The following RPH3A variants were observed in gnomAD, a reference collection of about 807,000 sequenced individuals.
RPH3A encodes rabphilin-3A.
A neutral mutation model predicts 102.2 loss-of-function variants in RPH3A; 48 were observed. The ratio of observed to expected loss-of-function variants is 0.47; its 90% CI spans 0.37 to 0.60. The LOEUF (loss-of-function observed/expected upper bound fraction) is 0.60, where lower values mean the gene tolerates loss of function less well. Ranked by LOEUF, RPH3A falls within the 20% of genes least tolerant of loss-of-function variation. RPH3A has a pLI of 0.00. For synonymous variants in RPH3A, 310 were observed against 324.3 expected (o/e 0.96, Z 0.47); for missense variants, 781 against 910.1 (o/e 0.86, Z 1.83).
intron 3 of RPH3A, among the ~76,000 whole-genome samples, chr12:112,829,268 T>C (rs77207750): frequency 2.4e-3 from 223 of 94,534 alleles, no homozygotes; most frequent in Non-Finnish European, 2.7e-3. Context: ...AGAGAAAGGC[T>C]TTTTTTTTTT....
At chr12:112,809,837 C>G (rs1276913887) in intron 2 of RPH3A, among the ~76,000 whole-genome samples, 1 of 152,128 alleles carries the variant, frequency 6.6e-6, no homozygotes, top group Non-Finnish European at 1.5e-5. Context: ...AGGAGAGGCA[C>G]TAAAAGTGTC....
At chr12:112,745,613 C>G (rs1373108583) in intron 1 of RPH3A, among the ~76,000 whole-genome samples, 1 of 152,218 alleles carries the variant, frequency 6.6e-6, no homozygotes. Flanking sequence ...TGAGCTATTG[C>G]TTCCTCATTT....
At chr12:112,813,662 G>A (rs1333269942) in intron 2 of RPH3A, among the ~76,000 whole-genome samples, 1 of 152,126 alleles carries the variant, frequency 6.6e-6, no homozygotes, top group Non-Finnish European at 1.5e-5. Flanking sequence ...CCTAGTGAGG[G>A]TTTTGCCTGA....
At chr12:112,748,793 G>A (rs769377329) in intron 1 of RPH3A, among the ~76,000 whole-genome samples, 6 of 152,194 alleles carry the variant, frequency 3.9e-5, no homozygotes, top group Admixed American at 2.0e-4. Flanking sequence ...ATGACCAGAT[G>A]TGCCACCAGA....
intron 1 of RPH3A, among the ~76,000 whole-genome samples, chr12:112,673,193 TA>T (rs2040147390): frequency 6.6e-6 from 1 of 152,128 alleles, no homozygotes; most frequent in East Asian, 1.9e-4. Context: ...GCGATAAAAT[TA>T]AAGAATTATT....
At chr12:112,604,089 A>G (rs1198283862) in intron 1 of RPH3A, among the ~76,000 whole-genome samples, 1 of 152,204 alleles carries the variant, frequency 6.6e-6, no homozygotes, top group Non-Finnish European at 1.5e-5. Flanking sequence ...GAGGTAATCA[A>G]TCTTTATGTG....
intron 1 of RPH3A, among the ~76,000 whole-genome samples, chr12:112,734,419 C>G (rs1378349269): frequency 1.3e-5 from 2 of 152,220 alleles, no homozygotes; most frequent in African/African-American, 4.8e-5. Flanking sequence ...ATATTCCCAT[C>G]ATTACGTGAC....
intron 2 of RPH3A, among the ~76,000 whole-genome samples, chr12:112,819,862 A>T (rs2041747673): frequency 6.6e-6 from 1 of 152,268 alleles, no homozygotes; most frequent in Non-Finnish European, 1.5e-5. Context: ...TGCTAAAAAA[A>T]TAGCAAAAGA....
chr12:112,816,891 C>T (rs192807770), intron 2 of RPH3A, among the ~76,000 whole-genome samples: 6 of 152,244 alleles, frequency 3.9e-5, no homozygotes, highest in South Asian at 2.1e-4. Context: ...TACTTGACAA[C>T]GGCATGTTTT....
intron 14 of RPH3A, among the ~76,000 whole-genome samples, chr12:112,879,462 C>A (rs996902621): frequency 1.2e-4 from 18 of 152,238 alleles, no homozygotes; most frequent in Admixed American, 1.1e-3. Flanking sequence ...GAGTTGGCCC[C>A]TATCTGCCTG....
chr12:112,841,706 GGT>G (rs1491509089), intron 4 of RPH3A, among the ~76,000 whole-genome samples: 2 of 145,064 alleles, frequency 1.4e-5, no homozygotes, highest in African/African-American at 2.6e-5. Flanking sequence ...TTGTTTTTTT[GGT>G]TTTTTTTTTT....
At chr12:112,815,313 G>A (rs898068075) in intron 2 of RPH3A, among the ~76,000 whole-genome samples, 3 of 152,126 alleles carry the variant, frequency 2.0e-5, no homozygotes, top group African/African-American at 4.8e-5. Flanking sequence ...AACCATTTTT[G>A]TACTATAAAA....
chr12:112,597,575 C>T (rs1359472897), intron 1 of RPH3A, among the ~76,000 whole-genome samples: 1 of 151,970 alleles, frequency 6.6e-6, no homozygotes, highest in Non-Finnish European at 1.5e-5. Flanking sequence ...GGGAGTGAGA[C>T]CCTGTTTCAA....
chr12:112,746,624 A>G (rs1380203998), intron 1 of RPH3A, among the ~76,000 whole-genome samples: 1 of 152,188 alleles, frequency 6.6e-6, no homozygotes, highest in Non-Finnish European at 1.5e-5. Context: ...CTTAAGTAAA[A>G]TGCGAACATC....
Position 112,869,800 on chromosome 12 carries a change from G to A in RPH3A, c.649+3G>A, listed in dbSNP as rs374904981. ...GAGGGGCCCGGGTCAGAAGACAGGT[G>A]GGTTCTGCTGACTCTGTTTTGTCAT... On this transcript the variant is annotated splice_donor_region_variant and intron_variant, in intron 9 of 21. Transcript: ENST00000389385. The A allele has an allele frequency of 1.9e-6, 3 of 1,614,114 alleles. No individual in the cohort carries two copies. Among genetic ancestry groups the A allele is most frequent in the African/African-American group, 2.7e-5 (2 of 75,028 alleles).
In RPH3A at chr12:112,607,204, T is replaced by C. The variant is rs564571442; in HGVS notation, c.-140+31885T>C. Among the ~76,000 whole-genome samples, 31 of 152,334 alleles carry C rather than the reference T, an allele frequency of 2.0e-4. No homozygotes were observed. In the South Asian group the frequency reaches 6.4e-3, roughly 32 times the overall value. Reference sequence around the variant, plus strand: ...CTTGGGGCTACTTTCATTTGTAAAATGCATGGGTTCAATTGCATAATATCA... The same window carrying C: ...CTTGGGGCTACTTTCATTTGTAAAACGCATGGGTTCAATTGCATAATATCA... On this transcript the variant is annotated intron_variant, in intron 1 of 21. Coordinates refer to the RPH3A transcript ENST00000543106.
At chr12:112,758,640 G>C (rs1281685315) in intron 1 of RPH3A, among the ~76,000 whole-genome samples, 1 of 152,138 alleles carries the variant, frequency 6.6e-6, no homozygotes, top group Non-Finnish European at 1.5e-5. Flanking sequence ...TGAGAGTTTG[G>C]ATTTTAAGTC....
chr12:112,605,299 C>T (rs1189428227), intron 1 of RPH3A, among the ~76,000 whole-genome samples: 6 of 152,042 alleles, frequency 3.9e-5, no homozygotes, highest in South Asian at 4.2e-4. Context: ...GGCTTGAATC[C>T]GGGAGGCAGA....
At chr12:112,759,014 T>C (rs1292539344) in intron 1 of RPH3A, among the ~76,000 whole-genome samples, 1 of 152,214 alleles carries the variant, frequency 6.6e-6, no homozygotes, top group African/African-American at 2.4e-5. Flanking sequence ...CCCACACAAC[T>C]TGTGGTCACT....
Sources: gnomAD v4.1 joint callset for allele counts (sites outside exome capture counted in the v4.1 genomes callset) on GRCh38, gnomAD v4.1.1 for gene constraint, MANE v1.5 for transcripts, NCBI Gene and HGNC (gene_info 2026-07-23, HGNC 2026-07-21) for gene names.